TECRL: variants seen among roughly 807,000 people sequenced by gnomAD.
The protein encoded by TECRL is trans-2,3-enoyl-CoA reductase like, also known as trans-2,3-enoyl-CoA reductase-like.
Under a neutral mutation model 52.8 loss-of-function variants are expected in TECRL, and 63 were observed. The observed-to-expected ratio is 1.19, with a 90% CI of 0.97 to 1.47. The LOEUF (loss-of-function observed/expected upper bound fraction) is 1.47, where lower values mean the gene tolerates loss of function less well. TECRL is among the 40% of genes most tolerant of loss of function. The probability of loss-of-function intolerance (pLI) is 0.00; values close to 1 mark genes in which losing one functional copy is unlikely to be tolerated. For synonymous variants in TECRL, 164 were observed against 141.9 expected (o/e 1.16, Z -1.10); for missense variants, 482 against 429.6 (o/e 1.12, Z -1.08).
rs11318611 is a variant in TECRL at position 64,349,065 on chromosome 4, CAAA to C, written c.287-20512_287-20510del. 2.1e-3 allele frequency among the ~76,000 whole-genome samples: 264 copies of C among 128,404 alleles called. 1 individual carries two copies. Among genetic ancestry groups the C allele is most frequent in the African/African-American group, 6.6e-3 (224 of 33,692 alleles). 84.2% of individuals were successfully genotyped at this position (128,404 alleles called of 152,430 possible). A position where few individuals can be genotyped will look rare whatever the true frequency, so the allele number is the denominator to read the frequency against. On this transcript the variant is annotated intron_variant, in intron 2 of 11. Coordinates refer to ENST00000381210, the MANE Select transcript of TECRL (RefSeq NM_001010874.5). ...TTTACTAGAGGCTTTTTGGAAATTA[CAAA>C]AAAAAAAAAAACCTAAAATTTTCAT...
chr4:64,405,870 G>A (rs574450365), intron 1 of TECRL, among the ~76,000 whole-genome samples: 7 of 152,192 alleles, frequency 4.6e-5, no homozygotes, highest in East Asian at 3.9e-4. Flanking sequence ...AGGAGGAGGC[G>A]ATTAACAGTG....
rs533628070 is a variant in TECRL, at chr4:64,376,322, A to G, written c.235-1099T>C. Among the ~76,000 whole-genome samples the G allele has an allele frequency of 1.5e-4, 23 of 152,030 alleles. No homozygotes were observed. In the East Asian group the frequency reaches 4.4e-3, roughly 29 times the overall value. On this transcript the variant is annotated intron_variant, in intron 1 of 11. Transcript: ENST00000381210. ...TTATAAGATTTAAGCCCTAAAAAGTAACAGGTATTTCAATTTGTGTTATGC... is the reference window on the plus strand; with the variant it reads ...TTATAAGATTTAAGCCCTAAAAAGTGACAGGTATTTCAATTTGTGTTATGC...
chr4:64,393,452 T>C (rs1052881457), intron 1 of TECRL, among the ~76,000 whole-genome samples: 12 of 152,150 alleles, frequency 7.9e-5, no homozygotes, highest in Middle Eastern at 3.4e-3. Flanking sequence ...ATCACAGAGA[T>C]GTTCGAATGG....
Position 64,289,757 on chromosome 4 carries a change from G to C in TECRL, c.785C>G (p.Ala262Gly), listed in dbSNP as rs199656027. The change falls in exon 9 of 12, where the codon GCT becomes GGT. Residue 262 changes from alanine to glycine, a missense_variant. Transcript: ENST00000381210. ...VSAINFLICE[A>G]GNHFINVMLS... ...CATTACATTGATGAAATGATTCCCA[G>C]CTTCACAAATCTGCAAAACATTTTA... The C allele has an allele frequency of 6.5e-7, 1 of 1,547,052 alleles. No homozygotes were observed. Among genetic ancestry groups the C allele is most frequent in the East Asian group, 2.4e-5 (1 of 41,016 alleles).
At chr4:64,346,648 C>A (rs2109554158) in intron 2 of TECRL, among the ~76,000 whole-genome samples, 1 of 152,336 alleles carries the variant, frequency 6.6e-6, no homozygotes, top group South Asian at 2.1e-4. Flanking sequence ...GGCCCCTGGG[C>A]CAGGCCCACA....
chr4:64,382,276 T>C (rs1210739679), intron 1 of TECRL, among the ~76,000 whole-genome samples: 1 of 144,562 alleles, frequency 6.9e-6, no homozygotes, highest in Non-Finnish European at 1.5e-5. Context: ...ATATATTATA[T>C]ATTATATTAT....
At position 64,305,232 on chromosome 4, in the gene TECRL, C is replaced by A; in HGVS notation, c.664G>T (p.Ala222Ser). The A allele has an allele frequency of 6.2e-7, 1 of 1,612,412 alleles. No individual in the cohort carries two copies. The highest frequency in any genetic ancestry group is 2.2e-5 in the East Asian group (1 of 44,704). ...TPLKNLIMSC[A>S]FYWGFTSWIA... ...CAAGAAGTAAATCCCCAGTAAAAGG[C>A]ACAACTCTGCAAACAAAACAAAACA... The change falls in exon 7 of 12, where the codon GCC (alanine) becomes TCC (serine). Residue 222 changes from alanine to serine, a missense_variant. Coordinates refer to ENST00000381210, the MANE Select transcript of TECRL (RefSeq NM_001010874.5).
chr4:64,333,760 C>G (rs1718822612), intron 2 of TECRL, among the ~76,000 whole-genome samples: 2 of 127,104 alleles, frequency 1.6e-5, no homozygotes, highest in Non-Finnish European at 3.3e-5. Flanking sequence ...GTGGCTCACG[C>G]CTGTAATCCC....
chr4:64,282,604 T>C (rs1722883003), intron 9 of TECRL, among the ~76,000 whole-genome samples: 1 of 151,980 alleles, frequency 6.6e-6, no homozygotes, highest in African/African-American at 2.4e-5. Flanking sequence ...CAAGTTATAG[T>C]TACTGAATTT....
chr4:64,361,031 G>A lies in TECRL; in HGVS notation c.286+14141C>T, dbSNP rs1479434273. On this transcript the variant is annotated intron_variant, in intron 2 of 11. Coordinates refer to ENST00000381210, the MANE Select transcript of TECRL (RefSeq NM_001010874.5). ...TATCTGCTGGACTAGACAGAGCGGGGTGGCCTTCCCCATGTGACAGGGCCA... is the reference window on the plus strand; with the variant it reads ...TATCTGCTGGACTAGACAGAGCGGGATGGCCTTCCCCATGTGACAGGGCCA... Among the ~76,000 whole-genome samples, 3 of 151,448 alleles carry A rather than the reference G, an allele frequency of 2.0e-5. No homozygotes were observed. The Admixed American group carries it at 2.0e-4, about 10-fold the overall frequency.
At chr4:64,406,023 A>G (rs970284896) in intron 1 of TECRL, among the ~76,000 whole-genome samples, 4 of 152,098 alleles carry the variant, frequency 2.6e-5, no homozygotes, top group Non-Finnish European at 5.9e-5. Flanking sequence ...ATGAATTGGG[A>G]CTAGGATACA....
At chr4:64,285,575 C>A (rs949816741) in intron 9 of TECRL, among the ~76,000 whole-genome samples, 3 of 151,956 alleles carry the variant, frequency 2.0e-5, no homozygotes, top group African/African-American at 7.3e-5. Context: ...CTAGGAGACA[C>A]CAGTTTAGAG....
chr4:64,372,831 T>C (rs897349987), intron 2 of TECRL, among the ~76,000 whole-genome samples: 1 of 151,658 alleles, frequency 6.6e-6, no homozygotes, highest in African/African-American at 2.4e-5. Flanking sequence ...AAAAATTAAT[T>C]TGGTGTCAAA....
At chr4:64,343,886 G>A (rs921353283) in intron 2 of TECRL, among the ~76,000 whole-genome samples, 1 of 151,932 alleles carries the variant, frequency 6.6e-6, no homozygotes, top group African/African-American at 2.4e-5. Flanking sequence ...ATGGCTTGTG[G>A]AGAACATTTT....
chr4:64,375,250 T>C lies in TECRL; in HGVS notation c.235-27A>G, dbSNP rs775288473. Reference sequence around the variant, plus strand: ...TGAAAAGGAAAAGAAAATAGAGTTATTTTTAAAAACTGTTAATTTGTTTTC... The same window carrying C: ...TGAAAAGGAAAAGAAAATAGAGTTACTTTTAAAAACTGTTAATTTGTTTTC... On this transcript the variant is annotated intron_variant, in intron 1 of 11. Transcript: ENST00000381210. The C allele has an allele frequency of 5.8e-6, 7 of 1,212,278 alleles. No individual in the cohort carries two copies. In the South Asian group the frequency reaches 1.4e-4, roughly 23 times the overall value. 75.1% of individuals were successfully genotyped at this position (1,212,278 alleles called of 1,614,324 possible).
intron 2 of TECRL, among the ~76,000 whole-genome samples, chr4:64,361,791 C>T (rs1003818220): frequency 6.6e-6 from 1 of 152,220 alleles, no homozygotes; most frequent in Admixed American, 6.6e-5. Flanking sequence ...ACTCTGACAA[C>T]TTTAAAAGCC....
intron 2 of TECRL, among the ~76,000 whole-genome samples, chr4:64,365,601 A>G (rs550600971): frequency 6.6e-6 from 1 of 152,146 alleles, no homozygotes; most frequent in East Asian, 1.9e-4. Context: ...TAAAGCTGAG[A>G]GCCAAAACAA....
intron 2 of TECRL, among the ~76,000 whole-genome samples, chr4:64,347,389 ATCAATGTGT>A (rs1273498131): frequency 6.6e-6 from 1 of 152,188 alleles, no homozygotes; most frequent in Non-Finnish European, 1.5e-5. Flanking sequence ...ACATCTCAAA[ATCAATGTGT>A]TCATAAATTT....
At chr4:64,326,187 T>C (rs1301016832) in intron 3 of TECRL, among the ~76,000 whole-genome samples, 1 of 152,080 alleles carries the variant, frequency 6.6e-6, no homozygotes, top group East Asian at 1.9e-4. Context: ...AGGATGTGGA[T>C]GGAGCTTTGA....
Sources: allele counts gnomAD v4.1 joint callset (sites outside exome capture counted in the v4.1 genomes callset), GRCh38; gene constraint gnomAD v4.1.1; transcripts MANE v1.5; gene names NCBI Gene and HGNC (gene_info 2026-07-23, HGNC 2026-07-21).